Variants in CDC73 observed in about 807,000 individuals in gnomAD.
The protein encoded by CDC73 is parafibromin.
CDC73 carries 21 observed loss-of-function variants against 83.7 expected under a neutral mutation model. The observed-to-expected ratio is 0.25, with a 90% CI of 0.18 to 0.36. The LOEUF (loss-of-function observed/expected upper bound fraction) is 0.36, where lower values mean the gene tolerates loss of function less well. Among genes scored for constraint, CDC73 ranks in the 10% least tolerant of loss-of-function variants. The pLI is 1.00. For synonymous variants in CDC73, 224 were observed against 212.9 expected, an observed-to-expected ratio of 1.05 and a Z score of -0.45; for missense variants, 342 against 653.3, an observed-to-expected ratio of 0.52 and a Z score of 5.19.
chr1:193,250,564 T>C, intron 16 of CDC73, 112 bp from the exon 17 acceptor site: 1 of 767,884 alleles, frequency 1.3e-6, no homozygotes, highest in Admixed American at 2.3e-5. Context: ...AAAACAGCAT[T>C]TTATTCTGTT....
chr1:193,151,596 T>G (rs1238249198), intron 9 of CDC73, among the ~76,000 whole-genome samples: 1 of 152,194 alleles, frequency 6.6e-6, no homozygotes, highest in Non-Finnish European at 1.5e-5. Context: ...GTCCTGGCAC[T>G]CCAATCATTA....
Position 193,122,196 on chromosome 1 carries a change from G to A in CDC73, c.-5G>A, listed in dbSNP as rs1197664595. 6.2e-7 allele frequency: 1 copy of A among 1,613,176 alleles called. No homozygotes were observed. The highest frequency in any genetic ancestry group is 8.5e-7 in the Non-Finnish European group (1 of 1,179,362). On this transcript the variant is annotated 5_prime_UTR_variant, in exon 1 of 17. Transcript: ENST00000367435. ...CCCGAGCCGGCGGAGGCGAGGGGGGGGAAGATGGCGGACGTGCTTAGCGTC... is the reference window on the plus strand; with the variant it reads ...CCCGAGCCGGCGGAGGCGAGGGGGGAGAAGATGGCGGACGTGCTTAGCGTC...
At chr1:193,132,801 G>A (rs1472538230) in intron 3 of CDC73, among the ~76,000 whole-genome samples, 2 of 151,784 alleles carry the variant, frequency 1.3e-5, no homozygotes, top group Non-Finnish European at 2.9e-5. Flanking sequence ...CTGATAAATA[G>A]GCTAGTTTTG....
chr1:193,232,955 G>T (rs1677686589), intron 13 of CDC73, 38 bp from the exon 14 acceptor site: 3 of 1,551,880 alleles, frequency 1.9e-6, no homozygotes, highest in Non-Finnish European at 2.7e-6. Context: ...TCATCACGTG[G>T]AATACATTGA....
At chr1:193,178,255 T>A (rs775979856) in intron 10 of CDC73, among the ~76,000 whole-genome samples, 1 of 152,158 alleles carries the variant, frequency 6.6e-6, no homozygotes, top group Non-Finnish European at 1.5e-5. Flanking sequence ...GTGTCTGATA[T>A]CAGATTACTA....
intron 10 of CDC73, among the ~76,000 whole-genome samples, chr1:193,200,592 G>A (rs116828515): frequency 1.9e-4 from 29 of 152,216 alleles, no homozygotes; most frequent in African/African-American, 7.0e-4. Context: ...GAGAAAGCAG[G>A]TTTTCCTCTC....
At chr1:193,172,261 A>C (rs1478062615) in intron 10 of CDC73, among the ~76,000 whole-genome samples, 2 of 150,842 alleles carry the variant, frequency 1.3e-5, no homozygotes, top group East Asian at 3.9e-4. Context: ...TTTTTAAGAA[A>C]ATTACTTAAA....
At chr1:193,181,490 T>G in intron 10 of CDC73, 1 of 1,613,192 alleles carries the variant, frequency 6.2e-7, no homozygotes, top group Non-Finnish European at 8.5e-7. Flanking sequence ...ATAAGATGAG[T>G]GCGGAACAGA....
At chr1:193,126,377 AAAG>A (rs1675574250) in intron 2 of CDC73, among the ~76,000 whole-genome samples, 1 of 152,188 alleles carries the variant, frequency 6.6e-6, no homozygotes, top group African/African-American at 2.4e-5. Context: ...AACAACTTGA[AAAG>A]AACTAATTTC....
At chr1:193,218,211 G>A (rs1351779550) in intron 13 of CDC73, among the ~76,000 whole-genome samples, 3 of 152,088 alleles carry the variant, frequency 2.0e-5, no homozygotes, top group African/African-American at 7.2e-5. Context: ...AAACCAGGGA[G>A]GTGAAAGATC....
intron 13 of CDC73, among the ~76,000 whole-genome samples, chr1:193,231,677 A>T (rs1048199121): frequency 7.2e-5 from 11 of 152,192 alleles, no homozygotes; most frequent in African/African-American, 1.9e-4. Flanking sequence ...TGTAAAATGG[A>T]TGTGAGAACA....
chr1:193,214,650 C>T (rs1677332332), intron 13 of CDC73, among the ~76,000 whole-genome samples: 1 of 152,096 alleles, frequency 6.6e-6, no homozygotes, highest in Admixed American at 6.5e-5. Flanking sequence ...ACCTGGGAGG[C>T]GGAGCTTGCA....
intron 8 of CDC73, 31 bp downstream of exon 8, chr1:193,147,996 T>G (rs1436946059): frequency 2.1e-6 from 3 of 1,408,766 alleles, no homozygotes; most frequent in Non-Finnish European, 3.0e-6. Context: ...TACAGTAGAT[T>G]TAATGAAGTT....
chr1:193,134,668 CA>C lies in CDC73; in HGVS notation c.308-714del, dbSNP rs1025462221. ...TGGGTGACAGAGCGAGACTCCGTCT[CA>C]AAAAAAAAGTAAAGGAAATGCTCTA... On this transcript the variant is annotated intron_variant, in intron 3 of 16. Coordinates refer to ENST00000367435, the MANE Select transcript of CDC73 (RefSeq NM_024529.5). Among the ~76,000 whole-genome samples, 7 of 149,188 alleles carry C rather than the reference CA, an allele frequency of 4.7e-5. No individual in the cohort carries two copies. In the South Asian group the frequency reaches 1.1e-3, roughly 23 times the overall value.
intron 10 of CDC73, among the ~76,000 whole-genome samples, chr1:193,157,602 C>G (rs1280952265): frequency 6.6e-6 from 1 of 152,164 alleles, no homozygotes; most frequent in Non-Finnish European, 1.5e-5. Context: ...GAGCTACCTC[C>G]TTTAGATAAG....
At chr1:193,180,851 C>T in intron 10 of CDC73, 1 of 1,613,762 alleles carries the variant, frequency 6.2e-7, no homozygotes, top group Non-Finnish European at 8.5e-7. Flanking sequence ...TATGTTGCAA[C>T]CCAGTTCATG....
At chr1:193,249,413 A>G (rs1361673423) in intron 15 of CDC73, among the ~76,000 whole-genome samples, 1 of 152,050 alleles carries the variant, frequency 6.6e-6, no homozygotes, top group Non-Finnish European at 1.5e-5. Flanking sequence ...TCATTTTATT[A>G]TGATACTTTA....
rs151297450 is a variant in CDC73, at chr1:193,123,762, A to G, written c.132-1350A>G. The stretch of plus-strand genomic sequence containing the variant: ...AAAAATTCCTAAGACTCTGGTTTCT[A>G]CCTCAAAGGAGGTTAACTTAGTCTG... On this transcript the variant is annotated intron_variant, in intron 1 of 16. Coordinates refer to ENST00000367435, the MANE Select transcript of CDC73 (RefSeq NM_024529.5). Among the ~76,000 whole-genome samples, 275 of 152,128 alleles carry G rather than the reference A, an allele frequency of 1.8e-3. 1 individual carries two copies. Among genetic ancestry groups the G allele is most frequent in the African/African-American group, 6.3e-3 (261 of 41,492 alleles).
At chr1:193,158,915 A>G (rs573387311) in intron 10 of CDC73, among the ~76,000 whole-genome samples, 2 of 151,410 alleles carry the variant, frequency 1.3e-5, no homozygotes, top group African/African-American at 4.8e-5. Flanking sequence ...ATTATGTGTT[A>G]CGGAACATAT....
Sources: allele counts gnomAD v4.1 joint callset (sites outside exome capture counted in the v4.1 genomes callset), GRCh38; gene constraint gnomAD v4.1.1; transcripts MANE v1.5; gene names NCBI Gene and HGNC (gene_info 2026-07-23, HGNC 2026-07-21).